The following PLXNA4 variants were observed in gnomAD, a reference collection of about 807,000 sequenced individuals.
The protein encoded by PLXNA4 is plexin-A4.
A neutral mutation model predicts 191.8 loss-of-function variants in PLXNA4; 44 were observed. That is an observed-to-expected ratio of 0.23 (90% CI 0.18 to 0.29). PLXNA4 has a LOEUF of 0.29. Ranked by LOEUF, PLXNA4 falls within the 10% of genes least tolerant of loss-of-function variation. The pLI is 1.00. For synonymous variants in PLXNA4, 1,082 were observed against 1,009.5 expected, an observed-to-expected ratio of 1.07 and a Z score of -1.36; for missense variants, 1,800 against 2,488.8, an observed-to-expected ratio of 0.72 and a Z score of 5.89.
rs1044530272 is a variant in PLXNA4, at chr7:132,190,037, G to A, written c.2857-2430C>T. Reference sequence around the variant, plus strand: ...CTACCAGATCAATGCATATTTGCCTGTGGCAACCTCTGTCATCTGTCCTGA... The same window carrying A: ...CTACCAGATCAATGCATATTTGCCTATGGCAACCTCTGTCATCTGTCCTGA... On this transcript the variant is annotated intron_variant, in intron 14 of 31. Transcript: ENST00000321063. Among the ~76,000 whole-genome samples, 3 of 152,306 alleles carry A rather than the reference G, an allele frequency of 2.0e-5. No homozygotes were observed. In the South Asian group the frequency reaches 6.2e-4, roughly 32 times the overall value.
At chr7:132,546,004 A>G (rs1335458159) in intron 1 of PLXNA4, among the ~76,000 whole-genome samples, 3 of 152,240 alleles carry the variant, frequency 2.0e-5, no homozygotes, top group Non-Finnish European at 4.4e-5. Context: ...GATAACCACA[A>G]TCATCATTAG....
chr7:132,553,446 A>T (rs928081870), intron 1 of PLXNA4, among the ~76,000 whole-genome samples: 3 of 152,126 alleles, frequency 2.0e-5, no homozygotes, highest in African/African-American at 4.8e-5. Flanking sequence ...GCTTCCTGAC[A>T]GGGTACATGA....
At chr7:132,618,044 G>A (rs1290291369) in intron 2 of PLXNA4, among the ~76,000 whole-genome samples, 3 of 152,082 alleles carry the variant, frequency 2.0e-5, no homozygotes, top group Non-Finnish European at 2.9e-5. Flanking sequence ...CATCTTATGG[G>A]TGCAAACCAG....
intron 2 of PLXNA4, among the ~76,000 whole-genome samples, chr7:132,606,783 A>C (rs1802932707): frequency 6.6e-6 from 1 of 152,338 alleles, no homozygotes; most frequent in East Asian, 1.9e-4. Context: ...AGGAGGGAGC[A>C]CCTGATATAT....
At position 132,127,588 on chromosome 7, in the gene PLXNA4, C is replaced by G. The variant is rs146285752; in HGVS notation, c.*2891G>C. 6.6e-6 allele frequency: 1 copy of G among 152,140 alleles called. No individual in the cohort carries two copies. Among genetic ancestry groups the G allele is most frequent in the East Asian group, 1.9e-4 (1 of 5,190 alleles). The allele number at this position is 152,140 out of a possible 1,614,324, so 9.4% of individuals were successfully genotyped here. A position where few individuals can be genotyped will look rare whatever the true frequency, so the allele number is the denominator to read the frequency against. On this transcript the variant is annotated 3_prime_UTR_variant, in exon 32 of 32. Transcript: ENST00000321063. Reference sequence around the variant, plus strand: ...CCAAACGGAAGAAATGGAAAACAAACAGCAGAAGATAATTTTTATAAGCAA... The same window carrying G: ...CCAAACGGAAGAAATGGAAAACAAAGAGCAGAAGATAATTTTTATAAGCAA...
chr7:132,171,733 C>T (rs1796293146), intron 21 of PLXNA4, among the ~76,000 whole-genome samples: 1 of 152,134 alleles, frequency 6.6e-6, no homozygotes, highest in East Asian at 1.9e-4. Context: ...AAATAGCATC[C>T]TATTCAGCAG....
At chr7:132,479,271 T>C (rs1474373280) in intron 3 of PLXNA4, among the ~76,000 whole-genome samples, 2 of 140,480 alleles carry the variant, frequency 1.4e-5, no homozygotes, top group African/African-American at 5.7e-5. Context: ...CCTATCTCTT[T>C]GGGAAAAAAA....
intron 14 of PLXNA4, among the ~76,000 whole-genome samples, chr7:132,192,097 A>G (rs1797109700): frequency 6.6e-6 from 1 of 152,030 alleles, no homozygotes; most frequent in South Asian, 2.1e-4. Context: ...GCCCTCGGAG[A>G]GCAGAGGTGG....
chr7:132,553,296 T>TCAG (rs1271198079), intron 1 of PLXNA4, among the ~76,000 whole-genome samples: 1 of 152,170 alleles, frequency 6.6e-6, no homozygotes, highest in African/African-American at 2.4e-5. Flanking sequence ...GAGGCAGCTC[T>TCAG]CAGCAGCCCT....
At chr7:132,232,221 T>C (rs1798547132) in intron 5 of PLXNA4, among the ~76,000 whole-genome samples, 2 of 152,184 alleles carry the variant, frequency 1.3e-5, no homozygotes, top group Non-Finnish European at 2.9e-5. Context: ...GATGTTTCAT[T>C]CCAAGAGGCC....
At chr7:132,563,473 TTCTGCTGCTC>T (rs1184548905) in intron 1 of PLXNA4, among the ~76,000 whole-genome samples, 3 of 90,010 alleles carry the variant, frequency 3.3e-5, no homozygotes, top group Non-Finnish European at 4.5e-5. Context: ...CTCCTCCTCC[TTCTGCTGCTC>T]CTCCTCCTCC....
intron 3 of PLXNA4, among the ~76,000 whole-genome samples, chr7:132,356,516 G>A (rs1401136736): frequency 1.3e-5 from 2 of 152,148 alleles, no homozygotes; most frequent in African/African-American, 2.4e-5. Flanking sequence ...CCACATAAGG[G>A]CAAACCCCTG....
rs180704317 is a variant in PLXNA4 at position 132,280,428 on chromosome 7, T to C, written c.1503+17663A>G. 1.9e-4 allele frequency among the ~76,000 whole-genome samples: 29 copies of C among 152,330 alleles called. No individual in the cohort carries two copies. In the East Asian group the frequency reaches 5.0e-3, roughly 26 times the overall value. On this transcript the variant is annotated intron_variant, in intron 4 of 31. Transcript: ENST00000321063. ...CAAACCCTACACTGACAGATTCATATCCGTGAAAACTGCTCTCAAGCTCCA... is the reference window on the plus strand; with the variant it reads ...CAAACCCTACACTGACAGATTCATACCCGTGAAAACTGCTCTCAAGCTCCA...
chr7:132,402,032 C>T (rs796585623), intron 3 of PLXNA4, among the ~76,000 whole-genome samples: 3 of 152,138 alleles, frequency 2.0e-5, no homozygotes, highest in African/African-American at 7.2e-5. Flanking sequence ...ATTCCCCAGT[C>T]GAGAGCCCAG....
intron 2 of PLXNA4, among the ~76,000 whole-genome samples, chr7:132,641,739 T>C (rs2116891463): frequency 6.6e-6 from 1 of 152,322 alleles, no homozygotes; most frequent in East Asian, 1.9e-4. Context: ...ATTAGAGTGA[T>C]ATTGTTTTTT....
chr7:132,566,482 C>A (rs1456316404), intron 1 of PLXNA4, among the ~76,000 whole-genome samples: 1 of 152,112 alleles, frequency 6.6e-6, no homozygotes, highest in Admixed American at 6.5e-5. Flanking sequence ...TTTCTCTTCC[C>A]AAGAGAAAAT....
chr7:132,148,121 C>A, intron 26 of PLXNA4, 122 bp from the exon 27 acceptor site: 3 of 1,428,564 alleles, frequency 2.1e-6, no homozygotes, highest in Non-Finnish European at 9.6e-7. Context: ...AACTAGGGGA[C>A]TTTGGAGGCT....
intron 4 of PLXNA4, among the ~76,000 whole-genome samples, chr7:132,265,089 C>A (rs890122367): frequency 1.3e-5 from 2 of 152,130 alleles, no homozygotes; most frequent in African/African-American, 4.8e-5. Context: ...CAATGGCAGG[C>A]CACAGGAAGC....
chr7:132,167,052 C>G (rs1469032533), intron 22 of PLXNA4, among the ~76,000 whole-genome samples: 1 of 152,172 alleles, frequency 6.6e-6, no homozygotes, highest in Non-Finnish European at 1.5e-5. Flanking sequence ...GACAGGCAGA[C>G]AGCAGGCAGA....
Sources: allele counts gnomAD v4.1 joint callset (sites outside exome capture counted in the v4.1 genomes callset), GRCh38; gene constraint gnomAD v4.1.1; transcripts MANE v1.5; gene names NCBI Gene and HGNC (gene_info 2026-07-23, HGNC 2026-07-21).